Variants in KATNBL1 observed in about 807,000 individuals in gnomAD.
KATNBL1 encodes katanin regulatory subunit B1 like 1.
In KATNBL1, 28 loss-of-function variants were observed where a neutral mutation model predicts 44.7. The ratio of observed to expected loss-of-function variants is 0.63; its 90% CI spans 0.46 to 0.86. The LOEUF (loss-of-function observed/expected upper bound fraction) is 0.86. Ranked by LOEUF, KATNBL1 falls within the 40% of genes least tolerant of loss-of-function variation. The pLI is 0.00. For missense variants in KATNBL1, 272 were observed against 350.7 expected (o/e 0.78, Z 1.79); for synonymous variants, 78 against 114.9 (o/e 0.68, Z 2.06).
chr15:34,172,207 G>C (rs1189266558), intron 1 of KATNBL1, among the ~76,000 whole-genome samples: 2 of 144,586 alleles, frequency 1.4e-5, no homozygotes, highest in African/African-American at 5.1e-5. Flanking sequence ...AAAAAAACGA[G>C]TTTTATTCTC....
At chr15:34,193,165 C>G (rs934656509) in intron 1 of KATNBL1, among the ~76,000 whole-genome samples, 1 of 135,412 alleles carries the variant, frequency 7.4e-6, no homozygotes, top group African/African-American at 2.8e-5. Context: ...TGCAGTGAAC[C>G]GAGATCGCGC....
intron 1 of KATNBL1, among the ~76,000 whole-genome samples, chr15:34,178,417 C>T (rs1399086666): frequency 6.6e-6 from 1 of 152,052 alleles, no homozygotes; most frequent in East Asian, 1.9e-4. Context: ...GAGGCAGCTA[C>T]CATGTAAAAA....
At chr15:34,194,653 T>C (rs1256698333) in intron 1 of KATNBL1, among the ~76,000 whole-genome samples, 1 of 152,000 alleles carries the variant, frequency 6.6e-6, no homozygotes, top group African/African-American at 2.4e-5. Context: ...AGCCTCTGCA[T>C]AACCAAAGAA....
At chr15:34,157,713 G>A (rs1403344493) in intron 2 of KATNBL1, among the ~76,000 whole-genome samples, 3 of 152,120 alleles carry the variant, frequency 2.0e-5, no homozygotes, top group Admixed American at 6.5e-5. Context: ...CATGGCAACC[G>A]AGTCTCTAAG....
intron 1 of KATNBL1, among the ~76,000 whole-genome samples, chr15:34,201,200 G>A (rs1890169573): frequency 6.6e-6 from 1 of 152,172 alleles, no homozygotes; most frequent in African/African-American, 2.4e-5. Context: ...AAAGAACTAG[G>A]TAGATGTTTA....
chr15:34,175,059 G>C (rs1024364055), intron 1 of KATNBL1, among the ~76,000 whole-genome samples: 5 of 151,500 alleles, frequency 3.3e-5, no homozygotes, highest in Admixed American at 6.6e-5. Flanking sequence ...AGACCAGCCA[G>C]GGCAACATAC....
chr15:34,202,666 A>G (rs1272520642), intron 1 of KATNBL1, among the ~76,000 whole-genome samples: 1 of 152,150 alleles, frequency 6.6e-6, no homozygotes, highest in Non-Finnish European at 1.5e-5. Context: ...ACTTAACTAT[A>G]ACAAAAATTA....
At chr15:34,175,596 G>A (rs530482112) in intron 1 of KATNBL1, among the ~76,000 whole-genome samples, 2 of 152,146 alleles carry the variant, frequency 1.3e-5, no homozygotes, top group South Asian at 2.1e-4. Context: ...AATGCAAGTC[G>A]AAACTACTTG....
intron 1 of KATNBL1, chr15:34,178,022 G>T (rs1889387722): frequency 2.6e-5 from 4 of 152,076 alleles, no homozygotes; most frequent in African/African-American, 4.8e-5. Flanking sequence ...ACATAAATAA[G>T]AAATAAAAGG....
rs894747501 is a variant in KATNBL1 at position 34,154,597 on chromosome 15, C to T, written c.158+47G>A. ...TTTTTCCCTTATTGTCATCCTTACC[C>T]AGCTTTCATATTTGTTGTTCCCCAC... On this transcript the variant is annotated intron_variant, in intron 3 of 9. Coordinates refer to ENST00000256544, the MANE Select transcript of KATNBL1 (RefSeq NM_024713.3). The T allele has an allele frequency of 7.6e-6, 9 of 1,180,232 alleles. No homozygotes were observed. In the African/African-American group the frequency reaches 9.1e-5, roughly 12 times the overall value. The allele number at this position is 1,180,232 out of a possible 1,614,324, so 73.1% of individuals were successfully genotyped here. A position where few individuals can be genotyped will look rare whatever the true frequency, so the allele number is the denominator to read the frequency against.
chr15:34,154,439 T>C (rs986495705), intron 3 of KATNBL1, among the ~76,000 whole-genome samples: 1 of 152,254 alleles, frequency 6.6e-6, no homozygotes, highest in African/African-American at 2.4e-5. Context: ...GTTAATGTTA[T>C]CTATAGAGTA....
intron 1 of KATNBL1, among the ~76,000 whole-genome samples, chr15:34,188,337 G>A (rs1889781861): frequency 6.6e-6 from 1 of 151,022 alleles, no homozygotes; most frequent in African/African-American, 2.4e-5. Context: ...GGACAGATCA[G>A]TTGAGGCCAG....
chr15:34,198,631 C>A (rs1890087547), intron 1 of KATNBL1, among the ~76,000 whole-genome samples: 1 of 152,168 alleles, frequency 6.6e-6, no homozygotes, highest in Admixed American at 6.5e-5. Flanking sequence ...ATACTTTGCG[C>A]TAACAGTGTA....
chr15:34,171,593 C>T (rs1176127921), intron 1 of KATNBL1, among the ~76,000 whole-genome samples: 1 of 152,128 alleles, frequency 6.6e-6, no homozygotes, highest in Non-Finnish European at 1.5e-5. Flanking sequence ...TGGGTATATA[C>T]CCAAAGGATT....
At chr15:34,152,415 G>C (rs1267379092) in intron 4 of KATNBL1, among the ~76,000 whole-genome samples, 3 of 152,166 alleles carry the variant, frequency 2.0e-5, no homozygotes, top group Non-Finnish European at 2.9e-5. Flanking sequence ...TGTTGGCCAG[G>C]CTGGTCTCAA....
chr15:34,194,091 G>A (rs369193472), intron 1 of KATNBL1, among the ~76,000 whole-genome samples: 4 of 151,882 alleles, frequency 2.6e-5, no homozygotes, highest in Non-Finnish European at 5.9e-5. Flanking sequence ...ACAGGTGCAC[G>A]CCACCATGCC....
intron 4 of KATNBL1, among the ~76,000 whole-genome samples, chr15:34,150,036 T>C (rs1888421882): frequency 6.6e-6 from 1 of 152,238 alleles, no homozygotes; most frequent in African/African-American, 2.4e-5. Flanking sequence ...AATTTTACAA[T>C]TGGAACAGCT....
At chr15:34,190,784 A>C (rs1889850065) in intron 1 of KATNBL1, among the ~76,000 whole-genome samples, 1 of 151,962 alleles carries the variant, frequency 6.6e-6, no homozygotes, top group African/African-American at 2.4e-5. Context: ...TATTCTTGCC[A>C]AAAAAAATCA....
At chr15:34,157,047 G>C (rs567784434) in intron 2 of KATNBL1, among the ~76,000 whole-genome samples, 1 of 152,312 alleles carries the variant, frequency 6.6e-6, no homozygotes, top group East Asian at 1.9e-4. Flanking sequence ...ATTCCAGTCT[G>C]AGAAGAGCTA....
Sources: allele counts gnomAD v4.1 joint callset (sites outside exome capture counted in the v4.1 genomes callset), GRCh38; gene constraint gnomAD v4.1.1; transcripts MANE v1.5; gene names NCBI Gene and HGNC (gene_info 2026-07-23, HGNC 2026-07-21).